ANKDD1A: variants seen among roughly 807,000 people sequenced by gnomAD.
ANKDD1A encodes the protein ankyrin repeat and death domain containing 1A.
Under a neutral mutation model 63.5 loss-of-function variants are expected in ANKDD1A, and 59 were observed. The observed-to-expected ratio is 0.93, with a 90% CI of 0.75 to 1.15. The LOEUF (loss-of-function observed/expected upper bound fraction) is 1.15, where lower values mean the gene tolerates loss of function less well. Ranked by LOEUF, ANKDD1A falls within the 50% of genes most tolerant of loss-of-function variation. The probability of loss-of-function intolerance (pLI) is 0.00; values close to 1 mark genes in which losing one functional copy is unlikely to be tolerated. For synonymous variants in ANKDD1A, 266 were observed against 263.9 expected (o/e 1.01, Z -0.08); for missense variants, 632 against 656.4 (o/e 0.96, Z 0.41).
At chr15:64,934,311 A>T in intron 9 of ANKDD1A, 77 bp downstream of exon 9, 1 of 1,394,206 alleles carries the variant, frequency 7.2e-7, no homozygotes, top group Non-Finnish European at 9.9e-7. Context: ...CACAGGGAGA[A>T]ACAGGCACAT....
chr15:64,915,967 G>A, intron 2 of ANKDD1A, 67 bp downstream of exon 2: 1 of 1,475,468 alleles, frequency 6.8e-7, no homozygotes, highest in Admixed American at 1.9e-5. Flanking sequence ...GTACACAGGG[G>A]GAATAGTTTA....
chr15:64,925,848 C>G (rs2085042471), intron 4 of ANKDD1A, among the ~76,000 whole-genome samples: 4 of 152,096 alleles, frequency 2.6e-5, no homozygotes, highest in Admixed American at 1.3e-4. Flanking sequence ...GGTGCTGGAG[C>G]TGGGATTTGA....
At chr15:64,920,547 G>T (rs1216213390) in intron 3 of ANKDD1A, among the ~76,000 whole-genome samples, 1 of 152,074 alleles carries the variant, frequency 6.6e-6, no homozygotes, top group East Asian at 1.9e-4. Context: ...GATATTCTAT[G>T]GGATATTTAT....
rs746024354 is a variant in ANKDD1A at position 64,942,449 on chromosome 15, G to T, written c.868-18G>T. 6.3e-7 allele frequency: 1 copy of T among 1,595,978 alleles called. No homozygotes were observed. The highest frequency in any genetic ancestry group is 8.6e-7 in the Non-Finnish European group (1 of 1,167,968). ...CTGGGAGGGACTGGTCGATTGATCCGTGTATCTCCTCCCACAGCAGGGTGC... is the reference window on the plus strand; with the variant it reads ...CTGGGAGGGACTGGTCGATTGATCCTTGTATCTCCTCCCACAGCAGGGTGC... On this transcript the variant is annotated intron_variant, in intron 9 of 14. Transcript: ENST00000319580.
chr15:64,953,426 C>T (rs2085339451), intron 14 of ANKDD1A, among the ~76,000 whole-genome samples: 1 of 25,300 alleles, frequency 4.0e-5, no homozygotes, highest in Admixed American at 8.7e-4. Context: ...CTCCCTTCTT[C>T]TTCCTCCTCC....
intron 3 of ANKDD1A, chr15:64,920,080 C>T (rs556464618): frequency 2.0e-5 from 3 of 152,344 alleles, no homozygotes; most frequent in African/African-American, 7.2e-5. Context: ...ACCGCTAAGA[C>T]CCCTTTTCTT....
chr15:64,951,703 C>CTTT (rs1338139540), intron 14 of ANKDD1A, among the ~76,000 whole-genome samples: 1 of 18,290 alleles, frequency 5.5e-5, no homozygotes, highest in African/African-American at 1.2e-4. Flanking sequence ...CTTCTTCTTC[C>CTTT]TTATTTTCTT....
chr15:64,924,995 G>C (rs1415213694), intron 4 of ANKDD1A, among the ~76,000 whole-genome samples: 1 of 152,062 alleles, frequency 6.6e-6, no homozygotes, highest in Non-Finnish European at 1.5e-5. Flanking sequence ...GGGAGGCCGA[G>C]GCAGGCAGAT....
intron 1 of ANKDD1A, among the ~76,000 whole-genome samples, chr15:64,915,227 C>A (rs1054946034): frequency 2.1e-4 from 32 of 152,186 alleles, no homozygotes; most frequent in African/African-American, 7.7e-4. Context: ...ATCGCTTGAA[C>A]CTGGGAGGCA....
At chr15:64,943,833 C>G in intron 11 of ANKDD1A, 1 of 515,966 alleles carries the variant, frequency 1.9e-6, no homozygotes, top group Non-Finnish European at 3.5e-6. Context: ...ATTGCTTTCT[C>G]CTTTATGGCC....
At chr15:64,951,397 C>CTTTT (rs1167622182) in intron 14 of ANKDD1A, 3 of 168,830 alleles carry the variant, frequency 1.8e-5, no homozygotes, top group Non-Finnish European at 2.2e-5. Flanking sequence ...TCTTCTTCCT[C>CTTTT]TTTTTTCTTT....
chr15:64,953,062 CCT>C (rs753842389), intron 14 of ANKDD1A, among the ~76,000 whole-genome samples: 2 of 129,952 alleles, frequency 1.5e-5, no homozygotes, highest in Non-Finnish European at 3.3e-5. Flanking sequence ...CTTTTTTCTT[CCT>C]CTTTCCTTCT....
rs745929977 is a variant in ANKDD1A at position 64,915,792 on chromosome 15, C to T, written c.35-5C>T. ...CTCATCCTGCACCCCATTTTCTCCC[C>T]ACAGTGCTTCCTCTGGAGAGGCAGC... On this transcript the variant is annotated splice_polypyrimidine_tract_variant and splice_region_variant and intron_variant, in intron 1 of 14. Coordinates refer to ENST00000319580, the MANE Select transcript of ANKDD1A (RefSeq NM_182703.6). 1 of 1,613,690 alleles carries T rather than the reference C, an allele frequency of 6.2e-7. No individual in the cohort carries two copies. The highest frequency in any genetic ancestry group is 8.5e-7 in the Non-Finnish European group (1 of 1,179,802).
chr15:64,929,477 C>A (rs879483384), intron 6 of ANKDD1A, among the ~76,000 whole-genome samples: 1 of 152,110 alleles, frequency 6.6e-6, no homozygotes, highest in Middle Eastern at 3.2e-3. Context: ...CAGGGAGATC[C>A]CTTTAAAGGA....
rs145017945 is a variant in ANKDD1A at position 64,921,088 on chromosome 15, A to G, written c.268-833A>G. Among the ~76,000 whole-genome samples, 861 of 152,180 alleles carry G rather than the reference A, an allele frequency of 5.7e-3. 6 individuals are homozygous for G. The highest frequency in any genetic ancestry group is 9.5e-3 in the Non-Finnish European group (648 of 68,006). The stretch of plus-strand genomic sequence containing the variant: ...TGGGCTCAAGTGATCCTCCCACCTC[A>G]GCCTCCTGAGTAGCTGGGACCACAG... On this transcript the variant is annotated intron_variant, in intron 3 of 14. Transcript: ENST00000319580.
At chr15:64,938,218 A>G (rs887540067) in intron 9 of ANKDD1A, among the ~76,000 whole-genome samples, 2 of 152,230 alleles carry the variant, frequency 1.3e-5, no homozygotes, top group African/African-American at 4.8e-5. Context: ...GAGGTGAAGC[A>G]GAACCTCCCA....
intron 6 of ANKDD1A, among the ~76,000 whole-genome samples, chr15:64,928,110 A>G (rs575267719): frequency 6.7e-4 from 102 of 152,354 alleles, no homozygotes; most frequent in African/African-American, 2.4e-3. Flanking sequence ...ACTGATGCCC[A>G]GAGAGGGACA....
At chr15:64,926,704 A>G (rs2085048001) in intron 5 of ANKDD1A, among the ~76,000 whole-genome samples, 197 bp from the exon 6 acceptor site, 1 of 152,190 alleles carries the variant, frequency 6.6e-6, no homozygotes, top group African/African-American at 2.4e-5. Context: ...GAGGGACCCC[A>G]GCAAGTGTCT....
chr15:64,933,671 G>A (rs1349179187), intron 8 of ANKDD1A, among the ~76,000 whole-genome samples: 7 of 152,048 alleles, frequency 4.6e-5, no homozygotes, highest in Non-Finnish European at 7.4e-5. Context: ...GTGAAACCCC[G>A]TCTCTACTAA....
Sources: gnomAD v4.1 joint callset for allele counts (sites outside exome capture counted in the v4.1 genomes callset) on GRCh38, gnomAD v4.1.1 for gene constraint, MANE v1.5 for transcripts, NCBI Gene and HGNC (gene_info 2026-07-23, HGNC 2026-07-21) for gene names.